LHFPL3: variants seen among roughly 807,000 people sequenced by gnomAD.
LHFPL3 encodes the protein LHFPL tetraspan subfamily member 3.
In LHFPL3, 5 loss-of-function variants were observed where a neutral mutation model predicts 19.3. That is an observed-to-expected ratio of 0.26 (90% CI 0.14 to 0.54). The LOEUF is 0.54. Among genes scored for constraint, LHFPL3 ranks in the 20% least tolerant of loss-of-function variants. LHFPL3 has a pLI of 0.94. For missense variants in LHFPL3, 249 were observed against 307.4 expected (o/e 0.81, Z 1.42); for synonymous variants, 133 against 126.2 (o/e 1.05, Z -0.36).
chr7:104,558,030 A>C (rs1789886913), intron 1 of LHFPL3, among the ~76,000 whole-genome samples: 1 of 149,738 alleles, frequency 6.7e-6, no homozygotes, highest in Non-Finnish European at 1.5e-5. Context: ...ATGGCTGCAT[A>C]GTATTCCATG....
intron 1 of LHFPL3, among the ~76,000 whole-genome samples, chr7:104,612,600 C>T (rs1021328741): frequency 2.0e-5 from 3 of 152,160 alleles, no homozygotes; most frequent in Admixed American, 2.0e-4. Context: ...ATTTCTTTGG[C>T]TTCGAAAATT....
chr7:104,519,583 T>C (rs369861405), intron 1 of LHFPL3, among the ~76,000 whole-genome samples: 1 of 152,092 alleles, frequency 6.6e-6, no homozygotes, highest in Non-Finnish European at 1.5e-5. Flanking sequence ...TTGCATTTGG[T>C]GGTTTGTTTG....
chr7:104,464,659 T>G (rs541645792), intron 1 of LHFPL3, among the ~76,000 whole-genome samples: 53 of 152,346 alleles, frequency 3.5e-4, no homozygotes, highest in African/African-American at 1.3e-3. Flanking sequence ...TCTGAAGCAA[T>G]GGTTGAGCTA....
intron 1 of LHFPL3, among the ~76,000 whole-genome samples, chr7:104,368,807 ATT>A (rs1217941354): frequency 1.3e-5 from 2 of 152,178 alleles, no homozygotes; most frequent in African/African-American, 4.8e-5. Flanking sequence ...ACTGATATTA[ATT>A]TTTATTAAGC....
chr7:104,516,512 T>C (rs1324770425), intron 1 of LHFPL3, among the ~76,000 whole-genome samples: 1 of 152,196 alleles, frequency 6.6e-6, no homozygotes, highest in Non-Finnish European at 1.5e-5. Context: ...CCAAAATTAA[T>C]TAATTTGATT....
At chr7:104,416,261 G>T (rs1223141095) in intron 1 of LHFPL3, among the ~76,000 whole-genome samples, 1 of 152,138 alleles carries the variant, frequency 6.6e-6, no homozygotes, top group Non-Finnish European at 1.5e-5. Context: ...GCTAGAAGAG[G>T]CAAGGAATGA....
intron 1 of LHFPL3, among the ~76,000 whole-genome samples, chr7:104,410,004 T>C (rs534084161): frequency 1.3e-5 from 2 of 152,282 alleles, no homozygotes; most frequent in East Asian, 1.9e-4. Flanking sequence ...AAGTTTGATC[T>C]TTATCTGAAA....
At chr7:104,341,051 T>A (rs1172969995) in intron 1 of LHFPL3, among the ~76,000 whole-genome samples, 2 of 152,206 alleles carry the variant, frequency 1.3e-5, no homozygotes, top group African/African-American at 2.4e-5. Context: ...TTCACAGTTA[T>A]CGAAAGCAAA....
At chr7:104,500,279 G>C (rs148708547) in intron 1 of LHFPL3, among the ~76,000 whole-genome samples, 1 of 152,140 alleles carries the variant, frequency 6.6e-6, no homozygotes, top group Non-Finnish European at 1.5e-5. Flanking sequence ...CAATATCTCC[G>C]TGATTCCTTC....
intron 2 of LHFPL3, among the ~76,000 whole-genome samples, chr7:104,843,316 A>G (rs1791250018): frequency 6.6e-6 from 1 of 152,224 alleles, no homozygotes; most frequent in Non-Finnish European, 1.5e-5. Context: ...GACCACAGAT[A>G]AACACGCACA....
Position 104,329,100 on chromosome 7 carries a change from C to T in LHFPL3, c.321C>T (p.Ala107=), listed in dbSNP as rs747889167. ...CGCTGCCCTCGGGCGCCTTCAAAGC[C>T]GCCTCCTTCTTTATCGGCCTCTCCA... ...FSTLPSGAFK[A]ASFFIGLSMM... The change falls in exon 1 of 3, where the codon GCC becomes GCT. Residue 107 remains alanine (A), a synonymous_variant. Coordinates refer to ENST00000424859, the MANE Select transcript of LHFPL3 (RefSeq NM_199000.3). 3.7e-5 allele frequency: 59 copies of T among 1,613,978 alleles called. 1 individual carries two copies. In the South Asian group the frequency reaches 6.3e-4, roughly 17 times the overall value.
intron 1 of LHFPL3, among the ~76,000 whole-genome samples, chr7:104,433,006 G>T (rs556108497): frequency 1.4e-4 from 22 of 152,198 alleles, no homozygotes; most frequent in African/African-American, 5.3e-4. Flanking sequence ...TTTTGGTCTC[G>T]GGTAAGCTTT....
At chr7:104,445,019 G>T (rs1000415589) in intron 1 of LHFPL3, among the ~76,000 whole-genome samples, 1 of 151,946 alleles carries the variant, frequency 6.6e-6, no homozygotes, top group Non-Finnish European at 1.5e-5. Context: ...TATCACAGAT[G>T]TGGGACACTC....
chr7:104,765,416 A>C (rs1030439076), intron 2 of LHFPL3, among the ~76,000 whole-genome samples: 4 of 152,202 alleles, frequency 2.6e-5, no homozygotes, highest in Non-Finnish European at 4.4e-5. Flanking sequence ...ATCTATAAAG[A>C]GATACCTAAA....
chr7:104,333,384 G>T (rs1801606306), intron 1 of LHFPL3, among the ~76,000 whole-genome samples: 1 of 152,212 alleles, frequency 6.6e-6, no homozygotes, highest in African/African-American at 2.4e-5. Flanking sequence ...CATCTGTGGA[G>T]ATGGGACACC....
At chr7:104,798,870 A>C (rs915154386) in intron 2 of LHFPL3, among the ~76,000 whole-genome samples, 1 of 152,176 alleles carries the variant, frequency 6.6e-6, no homozygotes, top group Non-Finnish European at 1.5e-5. Flanking sequence ...ATTGGCTCTG[A>C]CCTGTGTATA....
chr7:104,458,710 G>A (rs369665927), intron 1 of LHFPL3, among the ~76,000 whole-genome samples: 137 of 150,778 alleles, frequency 9.1e-4, no homozygotes, highest in African/African-American at 3.0e-3. Flanking sequence ...GCATTTTTAA[G>A]GCATCTTTCT....
intron 2 of LHFPL3, among the ~76,000 whole-genome samples, chr7:104,761,784 C>T (rs1794375771): frequency 6.6e-6 from 1 of 152,146 alleles, no homozygotes. Context: ...GAACTTCATC[C>T]TTACAACACA....
intron 1 of LHFPL3, among the ~76,000 whole-genome samples, chr7:104,402,637 A>G (rs1198528751): frequency 6.6e-6 from 1 of 152,184 alleles, no homozygotes; most frequent in Non-Finnish European, 1.5e-5. Context: ...AGACTGAGGG[A>G]GAGGTGGGGT....
Sources: allele counts gnomAD v4.1 joint callset (sites outside exome capture counted in the v4.1 genomes callset), GRCh38; gene constraint gnomAD v4.1.1; transcripts MANE v1.5; gene names NCBI Gene and HGNC (gene_info 2026-07-23, HGNC 2026-07-21).